Variants in KIAA0040 observed in about 807,000 individuals in gnomAD.
KIAA0040 encodes the protein KIAA0040.
A neutral mutation model predicts 7.2 loss-of-function variants in KIAA0040; 10 were observed. The observed-to-expected ratio is 1.38, with a 90% CI of 0.85 to 2.34. KIAA0040 has a LOEUF of 2.34. Ranked by LOEUF, KIAA0040 falls within the 30% of genes most tolerant of loss-of-function variation. KIAA0040 has a pLI of 0.00. For synonymous variants in KIAA0040, 49 were observed against 40.1 expected, an observed-to-expected ratio of 1.22 and a Z score of -0.84; for missense variants, 89 against 108.2, an observed-to-expected ratio of 0.82 and a Z score of 0.79.
intron 2 of KIAA0040, among the ~76,000 whole-genome samples, chr1:175,174,374 C>T (rs534276466): frequency 7.2e-5 from 11 of 152,294 alleles, no homozygotes; most frequent in Admixed American, 2.0e-4. Flanking sequence ...ACAGCTGGCC[C>T]AAGGGTGCAA....
intron 3 of KIAA0040, 44 bp from the exon 4 acceptor site, chr1:175,161,190 C>G: frequency 3.6e-6 from 2 of 559,016 alleles, no homozygotes; most frequent in Non-Finnish European, 6.3e-6. Context: ...TGCAGGGGGA[C>G]TGGTCTACAA....
intron 2 of KIAA0040, among the ~76,000 whole-genome samples, chr1:175,176,985 C>T (rs574237317): frequency 1.2e-4 from 18 of 152,246 alleles, no homozygotes; most frequent in African/African-American, 3.9e-4. Context: ...CACAGGGTTC[C>T]CTTAGCCTCA....
intron 1 of KIAA0040, among the ~76,000 whole-genome samples, chr1:175,181,980 G>A (rs1480204669): frequency 6.6e-6 from 1 of 152,088 alleles, no homozygotes; most frequent in African/African-American, 2.4e-5. Flanking sequence ...CCTCTCCCAG[G>A]GCCTTCTTGC....
intron 2 of KIAA0040, among the ~76,000 whole-genome samples, chr1:175,170,017 T>C (rs937419350): frequency 1.3e-5 from 2 of 152,130 alleles, no homozygotes; most frequent in Non-Finnish European, 2.9e-5. Flanking sequence ...CTTCTCCAGG[T>C]AGAAAGTATA....
intron 1 of KIAA0040, among the ~76,000 whole-genome samples, chr1:175,178,182 C>A (rs1283484245): frequency 6.6e-6 from 1 of 152,212 alleles, no homozygotes. Flanking sequence ...TTGAATCCTC[C>A]ATGTGTACAA....
At position 175,182,125 on chromosome 1, in the gene KIAA0040, A is replaced by G. The variant is rs562059607; in HGVS notation, c.-383-4441T>C. ...ATACATCATAACATGTTATGACTTGAGTGTCCGGGGATAGGGCCATAGGCA... is the reference window on the plus strand; with the variant it reads ...ATACATCATAACATGTTATGACTTGGGTGTCCGGGGATAGGGCCATAGGCA... On this transcript the variant is annotated intron_variant, in intron 1 of 3. Coordinates refer to ENST00000423313, the MANE Select transcript of KIAA0040 (RefSeq NM_014656.3). Among the ~76,000 whole-genome samples the G allele has an allele frequency of 5.9e-5, 9 of 152,266 alleles. No individual in the cohort carries two copies. The South Asian group carries it at 1.9e-3, about 32-fold the overall frequency.
intron 1 of KIAA0040, among the ~76,000 whole-genome samples, chr1:175,192,323 A>G (rs1677894191): frequency 6.6e-6 from 1 of 152,146 alleles, no homozygotes; most frequent in South Asian, 2.1e-4. Flanking sequence ...CTCAGTAAAA[A>G]ACAGAATTTC....
chr1:175,169,151 C>CA (rs945970319), intron 2 of KIAA0040, among the ~76,000 whole-genome samples: 1 of 152,164 alleles, frequency 6.6e-6, no homozygotes, highest in African/African-American at 2.4e-5. Flanking sequence ...ATACAAGTGA[C>CA]AAAAAAGCTA....
intron 2 of KIAA0040, among the ~76,000 whole-genome samples, chr1:175,173,134 C>T (rs1376009181): frequency 6.6e-6 from 1 of 152,164 alleles, no homozygotes; most frequent in African/African-American, 2.4e-5. Flanking sequence ...CCTCTCTCGG[C>T]CCTCCTGACC....
At chr1:175,189,054 T>C (rs918412676) in intron 1 of KIAA0040, among the ~76,000 whole-genome samples, 1 of 152,152 alleles carries the variant, frequency 6.6e-6, no homozygotes, top group African/African-American at 2.4e-5. Flanking sequence ...AGTTTGCTCA[T>C]CTGTGAAGTG....
chr1:175,168,881 C>T (rs1473740720), intron 2 of KIAA0040, among the ~76,000 whole-genome samples: 3 of 152,186 alleles, frequency 2.0e-5, no homozygotes, highest in Non-Finnish European at 2.9e-5. Context: ...GCCAAGGAAA[C>T]GTGGCTCCTG....
At chr1:175,163,438 T>G (rs1373529004) in intron 3 of KIAA0040, among the ~76,000 whole-genome samples, 1 of 152,234 alleles carries the variant, frequency 6.6e-6, no homozygotes, top group Non-Finnish European at 1.5e-5. Context: ...AGTCATGTCC[T>G]CTCATCCAAG....
intron 1 of KIAA0040, among the ~76,000 whole-genome samples, chr1:175,188,900 G>A (rs1364717899): frequency 6.6e-6 from 1 of 152,170 alleles, no homozygotes; most frequent in East Asian, 1.9e-4. Flanking sequence ...ATGCCTAGCT[G>A]TGTCCTTGTG....
chr1:175,159,707 T>C lies in KIAA0040; in HGVS notation c.*1007A>G, dbSNP rs1175951291. 8 of 152,230 alleles carry C rather than the reference T, an allele frequency of 5.3e-5. No homozygotes were observed. The highest frequency in any genetic ancestry group is 2.1e-4 in the South Asian group (1 of 4,832). The allele number at this position is 152,230 out of a possible 1,614,324, so 9.4% of individuals were successfully genotyped here. On this transcript the variant is annotated 3_prime_UTR_variant, in exon 4 of 4. Coordinates refer to ENST00000423313, the MANE Select transcript of KIAA0040 (RefSeq NM_014656.3). Reference sequence around the variant, plus strand: ...AAACTTTGGTTATATAGGAGATACCTAGCTCAGGTGTAGCATCTCCTCACC... The same window carrying C: ...AAACTTTGGTTATATAGGAGATACCCAGCTCAGGTGTAGCATCTCCTCACC...
intron 1 of KIAA0040, among the ~76,000 whole-genome samples, chr1:175,188,388 C>T (rs1330998817): frequency 1.3e-5 from 2 of 152,136 alleles, no homozygotes; most frequent in African/African-American, 4.8e-5. Context: ...TGGGGATTGT[C>T]TTTCAAAGAA....
intron 2 of KIAA0040, among the ~76,000 whole-genome samples, chr1:175,170,629 A>G (rs1571197300): frequency 6.6e-6 from 1 of 151,700 alleles, no homozygotes; most frequent in Non-Finnish European, 1.5e-5. Flanking sequence ...CCTGGGCTTT[A>G]CCTCCCCACC....
At chr1:175,176,862 G>A (rs376826624) in intron 2 of KIAA0040, among the ~76,000 whole-genome samples, 1 of 151,880 alleles carries the variant, frequency 6.6e-6, no homozygotes, top group African/African-American at 2.4e-5. Context: ...TCCTTGAAAT[G>A]CCCTTCCCAA....
At chr1:175,171,094 CACA>C (rs1376330277) in intron 2 of KIAA0040, among the ~76,000 whole-genome samples, 1 of 152,224 alleles carries the variant, frequency 6.6e-6, no homozygotes, top group Non-Finnish European at 1.5e-5. Flanking sequence ...GTGATTGCTT[CACA>C]ACATTTGCGT....
intron 1 of KIAA0040, among the ~76,000 whole-genome samples, chr1:175,185,132 T>A (rs1443714043): frequency 6.6e-6 from 1 of 152,180 alleles, no homozygotes; most frequent in South Asian, 2.1e-4. Context: ...GAAATGCACA[T>A]TGGATTTTAA....
Sources: gnomAD v4.1 joint callset for allele counts (sites outside exome capture counted in the v4.1 genomes callset) on GRCh38, gnomAD v4.1.1 for gene constraint, MANE v1.5 for transcripts, NCBI Gene and HGNC (gene_info 2026-07-23, HGNC 2026-07-21) for gene names.